Variants in SHISA9 observed in about 807,000 individuals in gnomAD.
SHISA9 encodes shisa family member 9.
Under a neutral mutation model 38.0 loss-of-function variants are expected in SHISA9, and 13 were observed. The observed-to-expected ratio is 0.34, with a 90% CI of 0.22 to 0.54. The LOEUF (loss-of-function observed/expected upper bound fraction) is 0.54, where lower values mean the gene tolerates loss of function less well. Ranked by LOEUF, SHISA9 falls within the 20% of genes least tolerant of loss-of-function variation. The pLI is 0.91. For synonymous variants in SHISA9, 275 were observed against 242.0 expected (o/e 1.14, Z -1.27); for missense variants, 538 against 575.8 (o/e 0.93, Z 0.67).
At chr16:13,008,779 A>C (rs1247074307) in intron 2 of SHISA9, among the ~76,000 whole-genome samples, 1 of 151,846 alleles carries the variant, frequency 6.6e-6, no homozygotes, top group African/African-American at 2.4e-5. Context: ...CCAGCCATAC[A>C]GAACTGTGAG....
At chr16:13,294,694 C>T in the SHISA9 span, among the ~76,000 whole-genome samples, 7,754 of 152,200 alleles carry the variant, frequency 0.051, 638 homozygotes, top group African/African-American at 0.18. Context: ...TACAAATGGC[C>T]CACATTGGCA....
chr16:13,100,146 C>G (rs955632414), intron 2 of SHISA9, among the ~76,000 whole-genome samples: 1 of 152,196 alleles, frequency 6.6e-6, no homozygotes, highest in South Asian at 2.1e-4. Flanking sequence ...CAAGAGAACT[C>G]AGAGATGCAG....
the SHISA9 span, among the ~76,000 whole-genome samples, chr16:13,539,241 T>A: frequency 6.8e-6 from 1 of 146,376 alleles, no homozygotes; most frequent in African/African-American, 2.5e-5. Flanking sequence ...GAGATCCTCT[T>A]ACCTCAGCCT....
chr16:13,184,145 T>G (rs1486016200), intron 2 of SHISA9, among the ~76,000 whole-genome samples: 6 of 149,952 alleles, frequency 4.0e-5, no homozygotes, highest in Admixed American at 3.9e-4. Context: ...CCTCACTAAA[T>G]TGAGAAGCCA....
chr16:13,108,845 C>T (rs933160098), intron 2 of SHISA9, among the ~76,000 whole-genome samples: 1 of 152,142 alleles, frequency 6.6e-6, no homozygotes, highest in African/African-American at 2.4e-5. Flanking sequence ...AAGTTGAGTA[C>T]AGTATCCCTA....
rs552804501 is a variant in SHISA9, at chr16:13,057,845, C to G, written c.691+141030C>G. Among the ~76,000 whole-genome samples the G allele has an allele frequency of 1.5e-3, 227 of 152,206 alleles. 4 individuals are homozygous for G. Among genetic ancestry groups the G allele is most frequent in the Non-Finnish European group, 2.6e-4 (18 of 68,014 alleles). Reference sequence around the variant, plus strand: ...GGCCCCATTGTGTGATATTCCCCTCCCTGTGTCCATGTGTTCTCATTGTTC... The same window carrying G: ...GGCCCCATTGTGTGATATTCCCCTCGCTGTGTCCATGTGTTCTCATTGTTC... On this transcript the variant is annotated intron_variant, in intron 2 of 4. Coordinates refer to ENST00000558583, the MANE Select transcript of SHISA9 (RefSeq NM_001145204.3).
chr16:13,285,186 T>C, the SHISA9 span, among the ~76,000 whole-genome samples: 1 of 152,208 alleles, frequency 6.6e-6, no homozygotes, highest in Admixed American at 6.5e-5. Context: ...CTTAGCAGCC[T>C]GCTCTTTCTT....
the SHISA9 span, among the ~76,000 whole-genome samples, chr16:13,302,662 G>A: frequency 1.3e-5 from 2 of 152,106 alleles, no homozygotes; most frequent in Non-Finnish European, 2.9e-5. Flanking sequence ...AATGGCCACG[G>A]CCCACTTCCA....
intron 2 of SHISA9, among the ~76,000 whole-genome samples, chr16:12,974,168 C>T (rs961886612): frequency 1.3e-5 from 2 of 152,082 alleles, no homozygotes; most frequent in African/African-American, 2.4e-5. Context: ...TCCTATCTAG[C>T]GTCCGTCCTT....
At chr16:13,429,565 C>G in the SHISA9 span, among the ~76,000 whole-genome samples, 2 of 152,280 alleles carry the variant, frequency 1.3e-5, no homozygotes, top group East Asian at 3.9e-4. Flanking sequence ...CAGGCCCTCC[C>G]TACTCCAGCA....
At chr16:13,214,262 G>A (rs897919817) in intron 4 of SHISA9, among the ~76,000 whole-genome samples, 2 of 152,174 alleles carry the variant, frequency 1.3e-5, no homozygotes, top group Non-Finnish European at 2.9e-5. Context: ...GCCGTAGTGC[G>A]ATCTTGGCTC....
rs192601040 is a variant in SHISA9 at position 13,191,945 on chromosome 16, G to A, written c.692-11449G>A. Among the ~76,000 whole-genome samples the A allele has an allele frequency of 1.4e-4, 21 of 152,316 alleles. No homozygotes were observed. The East Asian group carries it at 3.3e-3, about 24-fold the overall frequency. Reference sequence around the variant, plus strand: ...ATAGCAAAGTTATGGAACCAATGAAGTGGAAGGAGTGAGGGTTGGAAACTG... The same window carrying A: ...ATAGCAAAGTTATGGAACCAATGAAATGGAAGGAGTGAGGGTTGGAAACTG... On this transcript the variant is annotated intron_variant, in intron 2 of 4. Transcript: ENST00000558583.
intron 2 of SHISA9, among the ~76,000 whole-genome samples, chr16:13,024,791 C>A (rs2134037): frequency 0.21 from 31,553 of 152,086 alleles, 3,528 homozygotes; most frequent in East Asian, 0.41. Context: ...CACAGTAGAC[C>A]CTCAAAGTTC....
At chr16:13,102,854 A>G (rs902121879) in intron 2 of SHISA9, among the ~76,000 whole-genome samples, 1 of 152,214 alleles carries the variant, frequency 6.6e-6, no homozygotes, top group African/African-American at 2.4e-5. Flanking sequence ...GCCAAGAGTC[A>G]TCTTAATTTA....
the SHISA9 span, among the ~76,000 whole-genome samples, chr16:13,527,784 T>A: frequency 6.6e-6 from 1 of 152,134 alleles, no homozygotes; most frequent in East Asian, 1.9e-4. Context: ...CCTGAGCGGG[T>A]TTCTGTTACT....
the SHISA9 span, among the ~76,000 whole-genome samples, chr16:13,251,633 T>C: frequency 2.0e-5 from 3 of 152,218 alleles, no homozygotes; most frequent in Non-Finnish European, 2.9e-5. Context: ...CTTGCCCATA[T>C]GGTGGTTACC....
chr16:13,532,545 G>GTTTTCT, the SHISA9 span, among the ~76,000 whole-genome samples: 1 of 105,236 alleles, frequency 9.5e-6, no homozygotes. Context: ...ATAATACTAT[G>GTTTTCT]TGCGTGTGTG....
intron 2 of SHISA9, among the ~76,000 whole-genome samples, chr16:12,975,781 T>G (rs1452860562): frequency 6.6e-6 from 1 of 151,832 alleles, no homozygotes; most frequent in African/African-American, 2.4e-5. Flanking sequence ...GGCCCAGATA[T>G]TTGGAAAGAT....
At chr16:13,197,102 C>CATATAT (rs139944963) in intron 2 of SHISA9, among the ~76,000 whole-genome samples, 41,145 of 146,698 alleles carry the variant, frequency 0.28, 5,957 homozygotes, top group Middle Eastern at 0.43. Context: ...TCTCTCTGTA[C>CATATAT]ATACACACAC....
Sources: allele counts gnomAD v4.1 joint callset (sites outside exome capture counted in the v4.1 genomes callset), GRCh38; gene constraint gnomAD v4.1.1; transcripts MANE v1.5; gene names NCBI Gene and HGNC (gene_info 2026-07-23, HGNC 2026-07-21).